The following SYCP1 variants were observed in gnomAD, a reference collection of about 807,000 sequenced individuals.
The protein encoded by SYCP1 is cancer/testis antigen 8.
A neutral mutation model predicts 153.1 loss-of-function variants in SYCP1; 64 were observed. The observed-to-expected ratio is 0.42, with a 90% CI of 0.34 to 0.51. SYCP1 has a LOEUF of 0.51. Among genes scored for constraint, SYCP1 ranks in the 20% least tolerant of loss-of-function variants. The pLI is 0.06. For missense variants in SYCP1, 997 were observed against 1,049.0 expected (o/e 0.95, Z 0.68); for synonymous variants, 384 against 341.8 (o/e 1.12, Z -1.36).
chr1:114,874,513 T>C lies in SYCP1; in HGVS notation c.606T>C (p.Tyr202=), dbSNP rs759669795. ...TTTTTATATTAACAATAGATGAATA[T>C]GAACGGGAAGAAACCAGGCAAGTTT... ...RSAEKTKKYE[Y]EREETRQVYM... The change falls in exon 9 of 32, where the codon TAT becomes TAC. Residue 202 remains tyrosine, a synonymous_variant. Coordinates refer to ENST00000369522, the MANE Select transcript of SYCP1 (RefSeq NM_003176.4). The C allele has an allele frequency of 3.2e-6, 5 of 1,563,408 alleles. No homozygotes were observed. The Admixed American group carries it at 5.4e-5, about 17-fold the overall frequency.
chr1:114,909,752 T>A (rs1668060575), intron 16 of SYCP1, among the ~76,000 whole-genome samples: 1 of 152,114 alleles, frequency 6.6e-6, no homozygotes, highest in Non-Finnish European at 1.5e-5. Context: ...CATACAGAAG[T>A]CATCTGAAAG....
chr1:114,879,722 TAG>T (rs1397483795), intron 12 of SYCP1, among the ~76,000 whole-genome samples: 1 of 152,236 alleles, frequency 6.6e-6, no homozygotes, highest in Non-Finnish European at 1.5e-5. Context: ...ATGATTCCTG[TAG>T]ACTCATACCC....
chr1:114,962,945 T>C (rs544194353), intron 27 of SYCP1, among the ~76,000 whole-genome samples: 3 of 152,354 alleles, frequency 2.0e-5, no homozygotes, highest in South Asian at 2.1e-4. Context: ...TTACACTGGA[T>C]ACAAAATTCT....
At chr1:114,946,522 C>A in intron 26 of SYCP1, 141 bp downstream of exon 26, 1 of 440,616 alleles carries the variant, frequency 2.3e-6, no homozygotes, top group Non-Finnish European at 4.1e-6. Flanking sequence ...TATAGATCTT[C>A]TAGTTACATG....
intron 8 of SYCP1, 118 bp from the exon 9 acceptor site, chr1:114,874,388 A>G (rs1401776287): frequency 6.6e-6 from 4 of 607,766 alleles, no homozygotes; most frequent in East Asian, 3.1e-5. Context: ...AGATAACCCA[A>G]TGTTCATCAT....
rs1339728 is a variant in SYCP1, at chr1:114,977,769, A to G, written c.2382+153A>G. The G allele has an allele frequency of 5.9e-3, 2,996 of 505,170 alleles. 87 individuals are homozygous for G. Among genetic ancestry groups the G allele is most frequent in the African/African-American group, 0.055 (2,706 of 49,620 alleles). 31.3% of individuals were successfully genotyped at this position (505,170 alleles called of 1,614,324 possible). A position where few individuals can be genotyped will look rare whatever the true frequency, so the allele number is the denominator to read the frequency against. On this transcript the variant is annotated intron_variant, in intron 28 of 31. Coordinates refer to ENST00000369522, the MANE Select transcript of SYCP1 (RefSeq NM_003176.4). ...TTGTTTCTTGCTATTTATTAATTCAAAAGCATTTTAGCTAAAAATTTCAAA... is the reference window on the plus strand; with the variant it reads ...TTGTTTCTTGCTATTTATTAATTCAGAAGCATTTTAGCTAAAAATTTCAAA...
intron 28 of SYCP1, among the ~76,000 whole-genome samples, chr1:114,979,096 G>A (rs527594851): frequency 5.5e-4 from 82 of 149,266 alleles, no homozygotes; most frequent in African/African-American, 1.7e-3. Context: ...ATATATGTTG[G>A]AAAATGAGAA....
chr1:114,981,247 T>A lies in SYCP1; in HGVS notation c.2383-89T>A, dbSNP rs191692997. 2.8e-5 allele frequency: 29 copies of A among 1,029,194 alleles called. No homozygotes were observed. The East Asian group carries it at 7.4e-4, about 26-fold the overall frequency. The allele number at this position is 1,029,194 out of a possible 1,614,324, so 63.8% of individuals were successfully genotyped here. On this transcript the variant is annotated intron_variant, in intron 28 of 31. Coordinates refer to ENST00000369522, the MANE Select transcript of SYCP1 (RefSeq NM_003176.4). ...ATAAATTTGCTTATTTTGTTGTGAATTCTACTAGTTGCTGCACTTTAATTA... is the reference window on the plus strand; with the variant it reads ...ATAAATTTGCTTATTTTGTTGTGAAATCTACTAGTTGCTGCACTTTAATTA...
chr1:114,881,369 C>T (rs1403048397), intron 12 of SYCP1, among the ~76,000 whole-genome samples: 1 of 152,038 alleles, frequency 6.6e-6, no homozygotes, highest in Non-Finnish European at 1.5e-5. Context: ...GATTAGCTGT[C>T]ATAGATTCCA....
chr1:114,931,800 C>T (rs1462431160), intron 23 of SYCP1, among the ~76,000 whole-genome samples: 1 of 151,992 alleles, frequency 6.6e-6, no homozygotes, highest in Admixed American at 6.6e-5. Flanking sequence ...TTTAGGTTGC[C>T]TGATTTCAAG....
chr1:114,911,374 T>C, intron 17 of SYCP1, 105 bp from the exon 18 acceptor site: 1 of 619,624 alleles, frequency 1.6e-6, no homozygotes, highest in Non-Finnish European at 2.6e-6. Context: ...TGACATAACC[T>C]GCCAAATTTT....
At chr1:114,900,116 C>T (rs576513697) in intron 16 of SYCP1, among the ~76,000 whole-genome samples, 57 of 152,260 alleles carry the variant, frequency 3.7e-4, no homozygotes, top group African/African-American at 1.2e-3. Context: ...TACAGAAAAA[C>T]CCTATAATGC....
Position 114,874,582 on chromosome 1 carries a change from C to A in SYCP1, c.657+18C>A. 6.6e-7 allele frequency: 1 copy of A among 1,523,946 alleles called. No individual in the cohort carries two copies. The highest frequency in any genetic ancestry group is 8.9e-7 in the Non-Finnish European group (1 of 1,123,144). The allele number at this position is 1,523,946 out of a possible 1,614,324, so 94.4% of individuals were successfully genotyped here. ...ACATTGAGGTGAGTGTTAATGAAAT[C>A]TGAGTATTTTAAACATAGGAATTTC... On this transcript the variant is annotated intron_variant, in intron 9 of 31. Coordinates refer to ENST00000369522, the MANE Select transcript of SYCP1 (RefSeq NM_003176.4).
chr1:114,945,043 A>G lies in SYCP1; in HGVS notation c.2154+61A>G, dbSNP rs1013227770. The G allele has an allele frequency of 1.1e-5, 13 of 1,187,914 alleles. No homozygotes were observed. In the African/African-American group the frequency reaches 1.9e-4, roughly 17 times the overall value. 73.6% of individuals were successfully genotyped at this position (1,187,914 alleles called of 1,614,324 possible). A position where few individuals can be genotyped will look rare whatever the true frequency, so the allele number is the denominator to read the frequency against. ...ATTGGAGCCATATTTCTGTTAAATA[A>G]TGGTGAAATCAAGATAGTATTCTTA... On this transcript the variant is annotated intron_variant, in intron 25 of 31. Transcript: ENST00000369522.
chr1:114,934,657 G>T (rs1436851378), intron 23 of SYCP1, among the ~76,000 whole-genome samples: 1 of 152,100 alleles, frequency 6.6e-6, no homozygotes, highest in Non-Finnish European at 1.5e-5. Flanking sequence ...GCTGTATTCA[G>T]GAGACCCATC....
intron 20 of SYCP1, among the ~76,000 whole-genome samples, chr1:114,922,746 A>G (rs1276592311): frequency 6.6e-6 from 1 of 152,102 alleles, no homozygotes; most frequent in East Asian, 1.9e-4. Flanking sequence ...CCTAAATACA[A>G]TCATGCCTTC....
intron 20 of SYCP1, among the ~76,000 whole-genome samples, chr1:114,916,824 A>G (rs17032970): frequency 0.034 from 5,157 of 151,450 alleles, 291 homozygotes; most frequent in African/African-American, 0.12. Flanking sequence ...TGATTTTACC[A>G]TTGCTTCTTT....
intron 16 of SYCP1, among the ~76,000 whole-genome samples, chr1:114,898,979 G>C (rs931656252): frequency 1.3e-5 from 2 of 152,184 alleles, no homozygotes; most frequent in Admixed American, 6.5e-5. Flanking sequence ...CAGGAACCCT[G>C]TATGGGGCTG....
chr1:114,892,237 C>G (rs1191731055), intron 15 of SYCP1, among the ~76,000 whole-genome samples: 1 of 152,096 alleles, frequency 6.6e-6, no homozygotes, highest in Non-Finnish European at 1.5e-5. Context: ...CTCTGGTGGG[C>G]AGGGGTGGGG....
Sources: gnomAD v4.1 joint callset for allele counts (sites outside exome capture counted in the v4.1 genomes callset) on GRCh38, gnomAD v4.1.1 for gene constraint, MANE v1.5 for transcripts, NCBI Gene and HGNC (gene_info 2026-07-23, HGNC 2026-07-21) for gene names.